Variants in AFAP1L1 observed in about 807,000 individuals in gnomAD.
AFAP1L1 encodes actin filament associated protein 1 like 1.
Under a neutral mutation model 99.8 loss-of-function variants are expected in AFAP1L1, and 77 were observed. That is an observed-to-expected ratio of 0.77 (90% CI 0.64 to 0.93). AFAP1L1 has a LOEUF of 0.93. Ranked by LOEUF, AFAP1L1 falls within the 40% of genes least tolerant of loss-of-function variation. AFAP1L1 has a pLI of 0.00. For missense variants in AFAP1L1, 893 were observed against 996.8 expected (o/e 0.90, Z 1.40); for synonymous variants, 373 against 395.3 (o/e 0.94, Z 0.67).
chr5:149,286,896 T>A (rs1445070836), intron 1 of AFAP1L1, among the ~76,000 whole-genome samples: 1 of 152,226 alleles, frequency 6.6e-6, no homozygotes, highest in Non-Finnish European at 1.5e-5. Context: ...CTGGCTCCAA[T>A]GCCTGTGTTT....
intron 1 of AFAP1L1, among the ~76,000 whole-genome samples, chr5:149,273,238 T>C (rs1431373218): frequency 6.6e-6 from 1 of 150,390 alleles, no homozygotes; most frequent in African/African-American, 2.5e-5. Flanking sequence ...TTGCTGTTAT[T>C]AATAATGGAA....
At chr5:149,329,919 G>T in intron 16 of AFAP1L1, 89 bp downstream of exon 16, 1 of 1,231,810 alleles carries the variant, frequency 8.1e-7, no homozygotes. Flanking sequence ...CAAGTCACCT[G>T]GTTTCTTACC....
rs138404264 is a variant in AFAP1L1, at chr5:149,286,163, C to G, written c.17-13346C>G. On this transcript the variant is annotated intron_variant, in intron 1 of 18. Coordinates refer to ENST00000296721, the MANE Select transcript of AFAP1L1 (RefSeq NM_152406.4). Reference sequence around the variant, plus strand: ...TGTGGGGGAGATTTTAGATAATAATCATATCATCAGCTTGGCATGCATCAG... The same window carrying G: ...TGTGGGGGAGATTTTAGATAATAATGATATCATCAGCTTGGCATGCATCAG... Among the ~76,000 whole-genome samples, 604 of 152,278 alleles carry G rather than the reference C, an allele frequency of 4.0e-3. 6 individuals are homozygous for G. The highest frequency in any genetic ancestry group is 0.014 in the African/African-American group (569 of 41,552).
chr5:149,333,725 A>C (rs924774068), intron 17 of AFAP1L1, among the ~76,000 whole-genome samples: 4 of 152,214 alleles, frequency 2.6e-5, no homozygotes, highest in Non-Finnish European at 5.9e-5. Flanking sequence ...GTAGGATGTT[A>C]AGCAGCATCT....
intron 14 of AFAP1L1, among the ~76,000 whole-genome samples, chr5:149,321,622 G>A (rs532627813): frequency 2.0e-5 from 3 of 149,664 alleles, no homozygotes; most frequent in African/African-American, 7.4e-5. Context: ...CTAGCTACTC[G>A]AGAGGCTGAG....
intron 17 of AFAP1L1, among the ~76,000 whole-genome samples, chr5:149,333,920 T>C (rs1030416750): frequency 5.3e-5 from 8 of 152,188 alleles, no homozygotes; most frequent in African/African-American, 1.9e-4. Flanking sequence ...TGTGTGTGTG[T>C]ATATATATTT....
chr5:149,286,446 C>G (rs562263896), intron 1 of AFAP1L1, among the ~76,000 whole-genome samples: 2 of 152,162 alleles, frequency 1.3e-5, no homozygotes, highest in African/African-American at 2.4e-5. Context: ...TTTTTAAACT[C>G]TATTGAATAG....
chr5:149,323,575 T>A (rs1321244641), intron 15 of AFAP1L1, among the ~76,000 whole-genome samples: 1 of 152,272 alleles, frequency 6.6e-6, no homozygotes, highest in Non-Finnish European at 1.5e-5. Context: ...GAAAATCTAC[T>A]TTTATTTTTT....
intron 5 of AFAP1L1, 156 bp downstream of exon 5, chr5:149,302,682 C>G: frequency 1.6e-6 from 1 of 644,656 alleles, no homozygotes; most frequent in South Asian, 2.3e-5. Flanking sequence ...GGCACCTGGC[C>G]TCTTCGGTGA....
intron 1 of AFAP1L1, among the ~76,000 whole-genome samples, chr5:149,277,652 T>G (rs969719497): frequency 6.6e-6 from 1 of 152,226 alleles, no homozygotes; most frequent in African/African-American, 2.4e-5. Context: ...TGGGTCATCT[T>G]TGTCAGTGTT....
At chr5:149,333,919 G>GTA (rs974600525) in intron 17 of AFAP1L1, among the ~76,000 whole-genome samples, 1 of 152,118 alleles carries the variant, frequency 6.6e-6, no homozygotes, top group Non-Finnish European at 1.5e-5. Context: ...ATGTGTGTGT[G>GTA]TATATATATT....
rs769313767 is a variant in AFAP1L1, at chr5:149,335,662, G to C, written c.2223G>C (p.Leu741=). The change falls in exon 18 of 19, where the codon CTG becomes CTC. Residue 741 remains leucine, a synonymous_variant. Coordinates refer to ENST00000296721, the MANE Select transcript of AFAP1L1 (RefSeq NM_152406.4). The part of the protein sequence containing the change: ...QPLPVNCVSE[L]RKRSPSIVAS... ...TCCCTGTCAACTGTGTTTCTGAGCT[G>C]AGGAAGAGGAGCCCATCCATCGTAG... 6 of 1,613,700 alleles carry C rather than the reference G, an allele frequency of 3.7e-6. No homozygotes were observed. Among genetic ancestry groups the C allele is most frequent in the Non-Finnish European group, 5.1e-6 (6 of 1,180,022 alleles).
intron 1 of AFAP1L1, among the ~76,000 whole-genome samples, chr5:149,273,498 C>T (rs763177271): frequency 3.3e-5 from 5 of 152,042 alleles, no homozygotes; most frequent in Non-Finnish European, 7.4e-5. Flanking sequence ...CCTCACTTGC[C>T]CCTCCCCAAC....
At chr5:149,276,697 A>G (rs975269783) in intron 1 of AFAP1L1, 1 of 152,236 alleles carries the variant, frequency 6.6e-6, no homozygotes, top group South Asian at 2.1e-4. Flanking sequence ...CACCATTAAT[A>G]AGACTGCTTT....
Position 149,300,280 on chromosome 5 carries a change from T to A in AFAP1L1, c.155T>A (p.Val52Asp). ...CCCTTCTTCCTCACAGCAAAGGAGG[T>A]CTCCTACCTGTATGTGAACACAGCA... ...QSLQPLPAKE[V>D]SYLYVNTADL... The change falls in exon 3 of 19, where the codon GTC becomes GAC. Residue 52 changes from valine (V) to aspartate (D), a missense_variant. By Grantham distance (152) the Val-to-Asp change is radical. Coordinates refer to ENST00000296721, the MANE Select transcript of AFAP1L1 (RefSeq NM_152406.4). The A allele has an allele frequency of 6.2e-7, 1 of 1,612,016 alleles. No homozygotes were observed. The highest frequency in any genetic ancestry group is 8.5e-7 in the Non-Finnish European group (1 of 1,179,136).
chr5:149,282,881 C>T (rs1462230658), intron 1 of AFAP1L1, among the ~76,000 whole-genome samples: 1 of 152,164 alleles, frequency 6.6e-6, no homozygotes, highest in Non-Finnish European at 1.5e-5. Context: ...GGGAAGACCC[C>T]AGAATGCCAT....
chr5:149,307,321 G>C, intron 6 of AFAP1L1, 81 bp from the exon 7 acceptor site: 1 of 1,433,820 alleles, frequency 7.0e-7, no homozygotes, highest in Non-Finnish European at 9.8e-7. Context: ...TCAGTCCCCA[G>C]TGCAGGGATC....
chr5:149,329,975 C>T, intron 16 of AFAP1L1, 145 bp downstream of exon 16: 13 of 598,478 alleles, frequency 2.2e-5, no homozygotes, highest in East Asian at 6.4e-5. Flanking sequence ...CCTCCTCCTC[C>T]TCTTCTTCTC....
intron 1 of AFAP1L1, among the ~76,000 whole-genome samples, chr5:149,287,920 C>T (rs555805189): frequency 1.3e-5 from 2 of 152,240 alleles, no homozygotes; most frequent in African/African-American, 4.8e-5. Flanking sequence ...AAGTGTAAGG[C>T]ACAGTACCCA....
Sources: allele counts gnomAD v4.1 joint callset (sites outside exome capture counted in the v4.1 genomes callset), GRCh38; gene constraint gnomAD v4.1.1; transcripts MANE v1.5; gene names NCBI Gene and HGNC (gene_info 2026-07-23, HGNC 2026-07-21).